The following DHX57 variants were observed in gnomAD, a reference collection of about 807,000 sequenced individuals.
DHX57 encodes the protein DExH-box helicase 57.
Under a neutral mutation model 156.2 loss-of-function variants are expected in DHX57, and 105 were observed. That is an observed-to-expected ratio of 0.67 (90% CI 0.57 to 0.79). The LOEUF is 0.79. Ranked by LOEUF, DHX57 falls within the 30% of genes least tolerant of loss-of-function variation. The pLI, the probability that DHX57 is intolerant of heterozygous loss-of-function variation, is 0.00. For missense variants in DHX57, 1,847 were observed against 1,661.9 expected, an observed-to-expected ratio of 1.11 and a Z score of -1.94; for synonymous variants, 704 against 595.6, an observed-to-expected ratio of 1.18 and a Z score of -2.65.
At chr2:38,823,316 G>T (rs777318126) in intron 16 of DHX57, 47 bp from the exon 17 acceptor site, 1 of 1,552,696 alleles carries the variant, frequency 6.4e-7, no homozygotes, top group Non-Finnish European at 8.8e-7. Context: ...TTTCTGGTGG[G>T]ATGACACAGA....
chr2:38,833,758 T>G (rs975621251), intron 13 of DHX57, among the ~76,000 whole-genome samples: 11 of 152,108 alleles, frequency 7.2e-5, no homozygotes, highest in Non-Finnish European at 1.5e-4. Flanking sequence ...CAATTTTCTT[T>G]CAATGAATAT....
At chr2:38,810,895 T>C in intron 21 of DHX57, 1 of 779,980 alleles carries the variant, frequency 1.3e-6, no homozygotes, top group African/African-American at 1.7e-5. Context: ...GCCCACGCTG[T>C]GCTTGCCTGC....
chr2:38,813,747 G>A (rs775654916), intron 21 of DHX57, 74 bp downstream of exon 21: 47 of 1,481,232 alleles, frequency 3.2e-5, no homozygotes, highest in Non-Finnish European at 3.9e-5. Context: ...TGATTAATAT[G>A]CACATCTTAA....
intron 14 of DHX57, among the ~76,000 whole-genome samples, chr2:38,826,990 G>A (rs929505500): frequency 3.3e-5 from 5 of 152,078 alleles, no homozygotes; most frequent in African/African-American, 1.2e-4. Flanking sequence ...AATTAACCAG[G>A]TGTGTTGGTG....
At chr2:38,875,572 C>A (rs1411280515) in intron 1 of DHX57, among the ~76,000 whole-genome samples, 2 of 152,108 alleles carry the variant, frequency 1.3e-5, no homozygotes, top group Non-Finnish European at 2.9e-5. Flanking sequence ...ACAACCTCAG[C>A]GGCAGAGCCC....
At chr2:38,871,862 G>A (rs190823114) in intron 1 of DHX57, among the ~76,000 whole-genome samples, 203 of 151,966 alleles carry the variant, frequency 1.3e-3, no homozygotes, top group African/African-American at 4.3e-3. Flanking sequence ...GACCGCCGCC[G>A]GCTAAGTTTT....
At chr2:38,814,696 A>G (rs1670434888) in intron 20 of DHX57, among the ~76,000 whole-genome samples, 1 of 151,550 alleles carries the variant, frequency 6.6e-6, no homozygotes, top group South Asian at 2.1e-4. Flanking sequence ...TTTAAAAACC[A>G]AAAACAACAG....
chr2:38,834,081 G>C (rs1305026335), intron 13 of DHX57, among the ~76,000 whole-genome samples: 1 of 152,106 alleles, frequency 6.6e-6, no homozygotes, highest in Non-Finnish European at 1.5e-5. Context: ...TGTAATCCCA[G>C]CACTTTGGGA....
Position 38,823,188 on chromosome 2 carries a change from AG to A in DHX57, c.3095del (p.Ser1032PhefsTer12). ...SRLIEPPHTD[S>X]LRASKIRLRD... ...GTAATCGTATTTTTGAGGCACGAAG[AG>A]AATCGGTGTGTGGAGGTTCAATGAG... On this transcript the variant is annotated frameshift_variant, in exon 17 of 24. Coordinates refer to ENST00000457308, the MANE Select transcript of DHX57 (RefSeq NM_198963.3). LOFTEE classifies it high-confidence loss of function. 2 of 1,614,206 alleles carry A rather than the reference AG, an allele frequency of 1.2e-6. No homozygotes were observed. The highest frequency in any genetic ancestry group is 2.2e-5 in the South Asian group (2 of 91,086).
Position 38,856,383 on chromosome 2 carries a change from A to G in DHX57, c.1666T>C (p.Leu556=), listed in dbSNP as rs762405874. ...ACAACCACCTGGTGCTTACGCAATAAGTTAAGAATGGTTTCTCTTTCTTCC... is the reference window on the plus strand; with the variant it reads ...ACAACCACCTGGTGCTTACGCAATAGGTTAAGAATGGTTTCTCTTTCTTCC... ...AWEERETILN[L]LRKHQVVVIS... Residue 556 remains leucine (L), a synonymous_variant, in exon 7 of 24, where the codon TTA becomes CTA. Coordinates refer to ENST00000457308, the MANE Select transcript of DHX57 (RefSeq NM_198963.3). 2 of 1,613,910 alleles carry G rather than the reference A, an allele frequency of 1.2e-6. No individual in the cohort carries two copies. Among genetic ancestry groups the G allele is most frequent in the Non-Finnish European group, 1.7e-6 (2 of 1,179,974 alleles).
intron 22 of DHX57, among the ~76,000 whole-genome samples, chr2:38,803,632 C>T (rs940880626): frequency 2.0e-5 from 3 of 150,846 alleles, no homozygotes; most frequent in South Asian, 2.1e-4. Context: ...GGATTATAGG[C>T]GCCTGCCACC....
intron 13 of DHX57, among the ~76,000 whole-genome samples, chr2:38,832,200 G>C (rs960971677): frequency 1.3e-5 from 2 of 152,266 alleles, no homozygotes; most frequent in Middle Eastern, 3.4e-3. Flanking sequence ...CAGCACTATG[G>C]GAGGCCAACA....
intron 22 of DHX57, among the ~76,000 whole-genome samples, chr2:38,805,586 T>C (rs1254928486): frequency 1.3e-5 from 2 of 152,150 alleles, no homozygotes; most frequent in African/African-American, 4.8e-5. Flanking sequence ...ATCTTAGAGA[T>C]GTCAACAAGG....
intron 14 of DHX57, among the ~76,000 whole-genome samples, chr2:38,827,968 T>C (rs1328071504): frequency 1.3e-5 from 2 of 152,138 alleles, no homozygotes; most frequent in African/African-American, 4.8e-5. Context: ...GCTATTCTCC[T>C]GCCTCAGCCT....
Position 38,868,371 on chromosome 2 carries a change from C to T in DHX57, c.35G>A (p.Gly12Asp). The T allele has an allele frequency of 1.2e-6, 2 of 1,613,576 alleles. No homozygotes were observed. The highest frequency in any genetic ancestry group is 1.7e-6 in the Non-Finnish European group (2 of 1,180,018). Residue 12 changes from glycine to aspartate, a missense_variant, in exon 2 of 24, where the codon GGC (glycine) becomes GAC (aspartate). By Grantham distance (94) the Gly-to-Asp change is moderately conservative. Transcript: ENST00000457308. ...AGAAGACCCTTTTCCACCTCCTTTG[C>T]CTGGCTTGCCTTTTCTTCTTACTGA... ...SSSVRRKGKP[G>D]KGGGKGSSRG...
At chr2:38,837,219 A>C (rs925073245) in intron 13 of DHX57, among the ~76,000 whole-genome samples, 2 of 152,132 alleles carry the variant, frequency 1.3e-5, no homozygotes, top group African/African-American at 4.8e-5. Flanking sequence ...TACTGTGCTA[A>C]GTGTCTTACA....
At chr2:38,813,661 C>T (rs762151676) in intron 21 of DHX57, among the ~76,000 whole-genome samples, 160 bp downstream of exon 21, 2 of 152,060 alleles carry the variant, frequency 1.3e-5, no homozygotes, top group African/African-American at 2.4e-5. Context: ...CGTGAGCCAC[C>T]GCACCCGGCC....
At chr2:38,867,596 T>G (rs190393135) in intron 2 of DHX57, among the ~76,000 whole-genome samples, 7 of 152,214 alleles carry the variant, frequency 4.6e-5, no homozygotes, top group Admixed American at 4.6e-4. Flanking sequence ...TCTCACTCTG[T>G]CACCCAGGCT....
chr2:38,873,262 A>AT (rs1187759356), intron 1 of DHX57, among the ~76,000 whole-genome samples: 3 of 152,336 alleles, frequency 2.0e-5, no homozygotes, highest in Admixed American at 6.5e-5. Flanking sequence ...AAGTGCAGGG[A>AT]TTACAGGCGT....
Sources: gnomAD v4.1 joint callset for allele counts (sites outside exome capture counted in the v4.1 genomes callset) on GRCh38, gnomAD v4.1.1 for gene constraint, MANE v1.5 for transcripts, NCBI Gene and HGNC (gene_info 2026-07-23, HGNC 2026-07-21) for gene names.